The following EXTL2 variants were observed in gnomAD, a reference collection of about 807,000 sequenced individuals.
EXTL2 encodes exostosin-like 2.
In EXTL2, 23 loss-of-function variants were observed where a neutral mutation model predicts 30.7. That is an observed-to-expected ratio of 0.75 (90% CI 0.54 to 1.06). The LOEUF (loss-of-function observed/expected upper bound fraction) is 1.06, where lower values mean the gene tolerates loss of function less well. Among genes scored for constraint, EXTL2 ranks in the 50% least tolerant of loss-of-function variants. The pLI, the probability that EXTL2 is intolerant of heterozygous loss-of-function variation, is 0.00. For synonymous variants in EXTL2, 123 were observed against 133.8 expected (o/e 0.92, Z 0.56); for missense variants, 352 against 396.3 (o/e 0.89, Z 0.95).
At chr1:100,889,900 C>A (rs11809476) in intron 1 of EXTL2, among the ~76,000 whole-genome samples, 149 of 152,268 alleles carry the variant, frequency 9.8e-4, no homozygotes, top group African/African-American at 3.5e-3. Flanking sequence ...CTTTTCCAGG[C>A]GCACAGTACA....
In EXTL2 at chr1:100,875,296, G is replaced by A. The variant is rs534376363; in HGVS notation, c.505-866C>T. On this transcript the variant is annotated intron_variant, in intron 4 of 4. Coordinates refer to ENST00000370114, the MANE Select transcript of EXTL2 (RefSeq NM_001033025.3). ...TAAATGCTATTTCAAAGCACTTATAGTCTAGAGAGGGTAGAGGGGTATAAT... is the reference window on the plus strand; with the variant it reads ...TAAATGCTATTTCAAAGCACTTATAATCTAGAGAGGGTAGAGGGGTATAAT... Among the ~76,000 whole-genome samples the A allele has an allele frequency of 2.0e-5, 3 of 151,508 alleles. No homozygotes were observed. In the South Asian group the frequency reaches 6.3e-4, roughly 32 times the overall value.
At chr1:100,884,169 G>A (rs1029197277) in intron 2 of EXTL2, among the ~76,000 whole-genome samples, 1 of 152,186 alleles carries the variant, frequency 6.6e-6, no homozygotes, top group Non-Finnish European at 1.5e-5. Flanking sequence ...AAAGCAATGA[G>A]CAACGTGGTG....
At chr1:100,893,899 T>C (rs1478857305) in intron 1 of EXTL2, among the ~76,000 whole-genome samples, 1 of 152,138 alleles carries the variant, frequency 6.6e-6, no homozygotes, top group Non-Finnish European at 1.5e-5. Context: ...AGTGGGGGAA[T>C]TTGGGAGTCT....
intron 1 of EXTL2, among the ~76,000 whole-genome samples, chr1:100,891,382 A>G (rs1650411759): frequency 6.6e-6 from 1 of 152,234 alleles, no homozygotes; most frequent in Non-Finnish European, 1.5e-5. Flanking sequence ...GGGGAATTGC[A>G]AAAAAGAAAG....
chr1:100,884,614 C>G (rs1295388857), intron 2 of EXTL2, among the ~76,000 whole-genome samples: 1 of 152,186 alleles, frequency 6.6e-6, no homozygotes, highest in Admixed American at 6.5e-5. Context: ...GTGAGCCGAT[C>G]CACGACTCCA....
At chr1:100,875,606 G>A (rs775764492) in intron 4 of EXTL2, among the ~76,000 whole-genome samples, 1 of 152,016 alleles carries the variant, frequency 6.6e-6, no homozygotes, top group Non-Finnish European at 1.5e-5. Context: ...ATGTCTACTC[G>A]AATCTTGCTT....
Position 100,873,195 on chromosome 1 carries a change from G to A in EXTL2, c.*747C>T, listed in dbSNP as rs752052073. On this transcript the variant is annotated 3_prime_UTR_variant, in exon 5 of 5. Transcript: ENST00000370114. The stretch of plus-strand genomic sequence containing the variant: ...GATTCAGTGACAAAATGCACTACCC[G>A]AATCTAGTAACACATTTACTCCTTG... 4.6e-5 allele frequency: 7 copies of A among 152,064 alleles called. No individual in the cohort carries two copies. The highest frequency in any genetic ancestry group is 7.4e-5 in the Non-Finnish European group (5 of 67,948). The allele number at this position is 152,064 out of a possible 1,614,324, so 9.4% of individuals were successfully genotyped here.
rs1459461558 is a variant in EXTL2 at position 100,876,820 on chromosome 1, G to A, written c.478C>T (p.Leu160Phe). 5.6e-6 allele frequency: 9 copies of A among 1,612,120 alleles called. No homozygotes were observed. Among genetic ancestry groups the A allele is most frequent in the Non-Finnish European group, 7.6e-6 (9 of 1,178,652 alleles). Residue 160 changes from leucine to phenylalanine, a missense_variant, in exon 4 of 5, where the codon CTT (leucine) becomes TTT (phenylalanine). Physicochemically the swap from Leu to Phe is conservative, Grantham distance 22. Transcript: ENST00000370114. ...DDDTLISTPDLVFAFSVWQQF... is the reference protein window; with the variant it reads ...DDDTLISTPDFVFAFSVWQQF... ...TGCCAAACTGAGAAAGCAAAAACAA[G>A]GTCTGGGGTGCTGATGAGTGTGTCA...
At chr1:100,887,795 C>G (rs1417915245) in intron 2 of EXTL2, among the ~76,000 whole-genome samples, 3 of 152,088 alleles carry the variant, frequency 2.0e-5, no homozygotes, top group African/African-American at 7.2e-5. Context: ...GCTCCGCCTC[C>G]CCGGGTCATT....
rs748316628 is a variant in EXTL2, at chr1:100,874,272, T to C, written c.663A>G (p.Lys221=). Residue 221 remains lysine (K), a synonymous_variant, in exon 5 of 5, where the codon AAA becomes AAG. Transcript: ENST00000370114. ...VLIGASFFNS[K]YLELFQRQPA... is the part of the protein sequence containing the mutation. ...GTTGCCTCTGAAATAATTCAAGATA[T>C]TTGCTATTGAAGAATGAGGCTCCAA... The C allele has an allele frequency of 6.2e-7, 1 of 1,612,846 alleles. No homozygotes were observed. Among genetic ancestry groups the C allele is most frequent in the East Asian group, 2.2e-5 (1 of 44,818 alleles).
At chr1:100,878,389 C>T in intron 2 of EXTL2, 1 of 470,930 alleles carries the variant, frequency 2.1e-6, no homozygotes, top group Non-Finnish European at 4.4e-6. Flanking sequence ...ACAGTATGTA[C>T]TTACTCATTC....
chr1:100,887,996 C>T (rs1036135421), intron 2 of EXTL2, among the ~76,000 whole-genome samples: 1 of 152,234 alleles, frequency 6.6e-6, no homozygotes, highest in African/African-American at 2.4e-5. Flanking sequence ...CCGCGCCCTG[C>T]CCGCCACATT....
At position 100,888,080 on chromosome 1, in the gene EXTL2, A is replaced by C. The variant is rs540443199; in HGVS notation, c.5+673T>G. Among the ~76,000 whole-genome samples, 45 of 152,366 alleles carry C rather than the reference A, an allele frequency of 3.0e-4. 1 individual carries two copies. Among genetic ancestry groups the C allele is most frequent in the African/African-American group, 1.1e-3 (44 of 41,592 alleles). ...TCTACAAGAATATTCAACTCTATAC[A>C]TACTGACTTCATTCTGTAACCTGGA... On this transcript the variant is annotated intron_variant, in intron 2 of 4. Transcript: ENST00000370114.
At chr1:100,892,505 A>G (rs1237583229) in intron 1 of EXTL2, among the ~76,000 whole-genome samples, 3 of 152,128 alleles carry the variant, frequency 2.0e-5, no homozygotes, top group Admixed American at 6.5e-5. Flanking sequence ...TTGAGCCACT[A>G]CTGGCTTTGT....
intron 1 of EXTL2, among the ~76,000 whole-genome samples, chr1:100,894,385 A>G (rs902461061): frequency 6.6e-6 from 1 of 152,232 alleles, no homozygotes; most frequent in South Asian, 2.1e-4. Context: ...AAAGAATGAA[A>G]TATACGCTAA....
chr1:100,889,270 C>T (rs990909025), intron 1 of EXTL2, among the ~76,000 whole-genome samples: 1 of 152,178 alleles, frequency 6.6e-6, no homozygotes, highest in Non-Finnish European at 1.5e-5. Flanking sequence ...ACCATCAGAT[C>T]TTGTGAGAAC....
chr1:100,877,340 T>G lies in EXTL2; in HGVS notation c.433+136A>C. 1.4e-6 allele frequency: 1 copy of G among 725,502 alleles called. No homozygotes were observed. The highest frequency in any genetic ancestry group is 2.2e-6 in the Non-Finnish European group (1 of 460,054). 44.9% of individuals were successfully genotyped at this position (725,502 alleles called of 1,614,324 possible). Reference sequence around the variant, plus strand: ...ACATCTTGGAAATTGTCCCTCAAGCTTTCCAAAGTGCTTTCTTAGGACTAA... The same window carrying G: ...ACATCTTGGAAATTGTCCCTCAAGCGTTCCAAAGTGCTTTCTTAGGACTAA... On this transcript the variant is annotated intron_variant, in intron 3 of 4. Transcript: ENST00000370114. The surrounding 1 kb of genome is among the most constrained non-coding windows in gnomAD (Gnocchi z 4.1).
At chr1:100,882,185 G>C (rs565650414) in intron 2 of EXTL2, among the ~76,000 whole-genome samples, 2 of 152,206 alleles carry the variant, frequency 1.3e-5, no homozygotes, top group Non-Finnish European at 2.9e-5. Context: ...GGGACACCAA[G>C]GGTTTTCAAC....
At position 100,873,933 on chromosome 1, in the gene EXTL2, GTTTTAC is replaced by G. The variant is rs779329534; in HGVS notation, c.*3_*8del. On this transcript the variant is annotated 3_prime_UTR_variant, in exon 5 of 5. Coordinates refer to ENST00000370114, the MANE Select transcript of EXTL2 (RefSeq NM_001033025.3). ...GCAGTTTTCAGGTTTGTTTTTGTTT[GTTTTAC>G]TTTTATATTTTTCTTTTGTAGTTGG... The G allele has an allele frequency of 1.3e-6, 2 of 1,549,008 alleles. No individual in the cohort carries two copies. The highest frequency in any genetic ancestry group is 1.4e-5 in the African/African-American group (1 of 72,064).
Sources: allele counts gnomAD v4.1 joint callset (sites outside exome capture counted in the v4.1 genomes callset), GRCh38; gene constraint gnomAD v4.1.1; non-coding constraint Gnocchi (gnomAD v3.1); transcripts MANE v1.5; gene names NCBI Gene and HGNC (gene_info 2026-07-23, HGNC 2026-07-21).